Variants in CTNNA3 observed in about 807,000 individuals in gnomAD.
CTNNA3 encodes catenin alpha-3.
In CTNNA3, 76 loss-of-function variants were observed where a neutral mutation model predicts 95.7. The ratio of observed to expected loss-of-function variants is 0.79; its 90% CI spans 0.66 to 0.96. The LOEUF is 0.96. Ranked by LOEUF, CTNNA3 falls within the 40% of genes least tolerant of loss-of-function variation. The pLI is 0.00. For synonymous variants in CTNNA3, 431 were observed against 374.4 expected (o/e 1.15, Z -1.74); for missense variants, 1,191 against 1,089.8 (o/e 1.09, Z -1.31).
intron 11 of CTNNA3, among the ~76,000 whole-genome samples, chr10:66,464,565 C>T (rs1057269610): frequency 3.3e-5 from 5 of 151,992 alleles, no homozygotes; most frequent in African/African-American, 1.2e-4. Flanking sequence ...GAGTTCGAGA[C>T]CAGCCTGGCC....
At chr10:66,296,858 A>C (rs190487422) in intron 12 of CTNNA3, among the ~76,000 whole-genome samples, 1 of 152,314 alleles carries the variant, frequency 6.6e-6, no homozygotes, top group Non-Finnish European at 1.5e-5. Flanking sequence ...AAAGAAAAGT[A>C]GAACTACTTA....
intron 13 of CTNNA3, among the ~76,000 whole-genome samples, chr10:66,173,089 G>A (rs1341817716): frequency 2.0e-5 from 3 of 152,102 alleles, no homozygotes; most frequent in Non-Finnish European, 4.4e-5. Flanking sequence ...GAGAAGCAAA[G>A]GGAATTTTAT....
chr10:67,302,474 C>T (rs186197255), intron 5 of CTNNA3, among the ~76,000 whole-genome samples: 48 of 152,246 alleles, frequency 3.2e-4, no homozygotes, highest in Non-Finnish European at 1.5e-5. Flanking sequence ...TGTATCAATT[C>T]GCTTGACTGA....
chr10:67,288,525 T>G (rs1589129229), intron 5 of CTNNA3, among the ~76,000 whole-genome samples: 2 of 152,292 alleles, frequency 1.3e-5, no homozygotes, highest in South Asian at 4.1e-4. Flanking sequence ...TTTTTTCTCT[T>G]CAAATAAGAT....
intron 7 of CTNNA3, among the ~76,000 whole-genome samples, chr10:67,132,720 A>G (rs10822980): frequency 0.24 from 36,820 of 152,020 alleles, 5,448 homozygotes; most frequent in African/African-American, 0.41. Flanking sequence ...ATATATACAC[A>G]ATGGAATATT....
intron 5 of CTNNA3, among the ~76,000 whole-genome samples, chr10:67,228,405 G>A (rs1376710305): frequency 6.6e-6 from 1 of 152,104 alleles, no homozygotes; most frequent in East Asian, 1.9e-4. Context: ...ACAAGGTCAG[G>A]AGTTTGAGAC....
chr10:67,384,637 G>A (rs1844076715), intron 5 of CTNNA3, among the ~76,000 whole-genome samples: 1 of 152,144 alleles, frequency 6.6e-6, no homozygotes, highest in Admixed American at 6.5e-5. Context: ...GCCCAAAACT[G>A]AAACAGCTCC....
chr10:67,414,063 A>G (rs945035523), intron 5 of CTNNA3, among the ~76,000 whole-genome samples: 4 of 152,054 alleles, frequency 2.6e-5, no homozygotes, highest in Admixed American at 2.6e-4. Flanking sequence ...AAAGCTAGCA[A>G]AAGAAAAGAA....
intron 7 of CTNNA3, among the ~76,000 whole-genome samples, chr10:66,997,791 A>T (rs1361608701): frequency 1.3e-5 from 2 of 152,106 alleles, no homozygotes; most frequent in East Asian, 3.9e-4. Flanking sequence ...GCTATTTCCT[A>T]TTCTCTTCTT....
intron 1 of CTNNA3, among the ~76,000 whole-genome samples, chr10:67,726,582 A>C (rs1589582288): frequency 1.4e-5 from 1 of 70,274 alleles, no homozygotes; most frequent in Admixed American, 2.6e-4. Flanking sequence ...CATATTATAT[A>C]ATATGTAATA....
chr10:66,463,528 T>A (rs1001236924), intron 11 of CTNNA3, among the ~76,000 whole-genome samples: 1 of 152,108 alleles, frequency 6.6e-6, no homozygotes, highest in African/African-American at 2.4e-5. Context: ...ATTGAGAAAC[T>A]TCCCAAATAG....
intron 7 of CTNNA3, among the ~76,000 whole-genome samples, chr10:66,932,493 A>G (rs1164984172): frequency 1.3e-5 from 2 of 152,164 alleles, no homozygotes; most frequent in Admixed American, 6.5e-5. Context: ...CTGGATTCTC[A>G]TTAGAATCCA....
intron 7 of CTNNA3, among the ~76,000 whole-genome samples, chr10:66,953,619 T>A (rs1371742939): frequency 2.0e-5 from 3 of 152,282 alleles, no homozygotes; most frequent in Admixed American, 2.0e-4. Context: ...AAAGATACAT[T>A]ACCTTATAAA....
intron 9 of CTNNA3, among the ~76,000 whole-genome samples, chr10:66,742,392 T>A (rs1465989880): frequency 6.6e-6 from 1 of 152,144 alleles, no homozygotes; most frequent in Non-Finnish European, 1.5e-5. Flanking sequence ...TGCCCGAAAC[T>A]TCATTATCAA....
chr10:66,576,663 C>T (rs567140479), intron 10 of CTNNA3, among the ~76,000 whole-genome samples: 24 of 152,166 alleles, frequency 1.6e-4, no homozygotes, highest in South Asian at 6.2e-4. Context: ...AACATGATTT[C>T]ATTCTTTTTT....
intron 13 of CTNNA3, among the ~76,000 whole-genome samples, chr10:66,161,342 T>C (rs1304409403): frequency 6.6e-6 from 1 of 152,232 alleles, no homozygotes; most frequent in East Asian, 1.9e-4. Flanking sequence ...GTTTCCAGCA[T>C]TTGTTTCAAG....
At chr10:65,938,827 T>A (rs781460222) in intron 17 of CTNNA3, among the ~76,000 whole-genome samples, 13 of 152,026 alleles carry the variant, frequency 8.6e-5, no homozygotes, top group African/African-American at 2.9e-4. Context: ...AGGGATCAAA[T>A]AGGCCCACTA....
At chr10:67,719,770 T>C (rs991077821) in intron 1 of CTNNA3, among the ~76,000 whole-genome samples, 2 of 152,188 alleles carry the variant, frequency 1.3e-5, no homozygotes, top group African/African-American at 2.4e-5. Flanking sequence ...GAAGAATGTA[T>C]ATTCTGTTGA....
intron 7 of CTNNA3, among the ~76,000 whole-genome samples, chr10:67,145,339 T>C (rs1860788167): frequency 6.6e-6 from 1 of 152,092 alleles, no homozygotes; most frequent in Admixed American, 6.6e-5. Context: ...TATTCCTGAA[T>C]CAGTTAACCC....
Sources: allele counts gnomAD v4.1 joint callset (sites outside exome capture counted in the v4.1 genomes callset), GRCh38; gene constraint gnomAD v4.1.1; transcripts MANE v1.5; gene names NCBI Gene and HGNC (gene_info 2026-07-23, HGNC 2026-07-21).